Variants in EDA observed in about 807,000 individuals in gnomAD.
EDA encodes ectodysplasin A.
Under a neutral mutation model 23.6 loss-of-function variants are expected in EDA, and 2 were observed. That is an observed-to-expected ratio of 0.08 (90% CI 0.03 to 0.27). The LOEUF (loss-of-function observed/expected upper bound fraction) is 0.27, where lower values mean the gene tolerates loss of function less well. Among genes scored for constraint, EDA ranks in the 10% least tolerant of loss-of-function variants. The probability of loss-of-function intolerance (pLI) is 1.00; values close to 1 mark genes in which losing one functional copy is unlikely to be tolerated. For synonymous variants in EDA, 131 were observed against 132.0 expected, an observed-to-expected ratio of 0.99 and a Z score of 0.05; for missense variants, 229 against 324.2, an observed-to-expected ratio of 0.71 and a Z score of 2.26.
At chrX:69,842,811 G>A (rs2016922265) in intron 1 of EDA, among the ~76,000 whole-genome samples, 2 of 110,913 alleles carry the variant, frequency 1.8e-5, no homozygotes, top group Admixed American at 9.7e-5. Flanking sequence ...GTAAAAGTGT[G>A]TAGCACCTCC....
At chrX:69,860,274 G>A (rs1254970399) in intron 1 of EDA, among the ~76,000 whole-genome samples, 2 of 111,367 alleles carry the variant, frequency 1.8e-5, no homozygotes, top group East Asian at 5.6e-4. Flanking sequence ...TCATCATGAT[G>A]TTAGCTGGTT....
chrX:69,998,082 A>G (rs2019686620), intron 2 of EDA, among the ~76,000 whole-genome samples: 1 of 111,504 alleles, frequency 9.0e-6, no homozygotes, highest in South Asian at 3.8e-4. Context: ...AAAGAGGGCC[A>G]CCATCCTCCA....
intron 2 of EDA, chrX:69,957,502 AAAC>A (rs1212738926): frequency 3.1e-4 from 54 of 173,469 alleles, no homozygotes; most frequent in Middle Eastern, 2.2e-3. Flanking sequence ...CAAAAAAAAA[AAAC>A]CACTACCTTT....
chrX:70,002,653 T>C (rs769738791), intron 2 of EDA, among the ~76,000 whole-genome samples: 19 of 112,343 alleles, frequency 1.7e-4, no homozygotes, highest in Admixed American at 3.8e-4. Flanking sequence ...CAAACACCCA[T>C]TCAAAGTTCT....
At chrX:69,739,851 A>G (rs2013393513) in intron 1 of EDA, among the ~76,000 whole-genome samples, 1 of 111,564 alleles carries the variant, frequency 9.0e-6, no homozygotes, top group African/African-American at 3.2e-5. Context: ...ATGCACATAT[A>G]TATTACAAAT....
At chrX:69,808,210 G>A (rs1356294428) in intron 1 of EDA, among the ~76,000 whole-genome samples, 4 of 110,730 alleles carry the variant, frequency 3.6e-5, no homozygotes, top group African/African-American at 1.3e-4. Context: ...TATATTATAT[G>A]TTTATTGTAT....
intron 2 of EDA, among the ~76,000 whole-genome samples, chrX:70,000,760 T>C (rs1170005044): frequency 8.9e-6 from 1 of 112,371 alleles, no homozygotes; most frequent in Non-Finnish European, 1.9e-5. Context: ...ATCCCCATTT[T>C]ATAAATGAGA....
chrX:69,889,226 C>T (rs2017886172), intron 1 of EDA, among the ~76,000 whole-genome samples: 1 of 106,460 alleles, frequency 9.4e-6, no homozygotes, highest in Non-Finnish European at 1.9e-5. Context: ...TGGATCACTG[C>T]AGCTTTGACC....
intron 1 of EDA, among the ~76,000 whole-genome samples, chrX:69,712,960 G>A (rs2012136547): frequency 1.9e-5 from 2 of 107,442 alleles, no homozygotes; most frequent in Non-Finnish European, 1.9e-5. Flanking sequence ...ACTATTGCAG[G>A]GACAAAAAAA....
In EDA at chrX:69,667,069, G is replaced by A. The variant is rs749993605; in HGVS notation, c.396+50365G>A. On this transcript the variant is annotated intron_variant, in intron 1 of 7. Coordinates refer to ENST00000374552, the MANE Select transcript of EDA (RefSeq NM_001399.5). The stretch of plus-strand genomic sequence containing the variant: ...TTATTTCCTCTAGGTTATCCAATTC[G>A]TTGGCATATAATTGTTCATAATAGT... Among the ~76,000 whole-genome samples the A allele has an allele frequency of 1.5e-4, 16 of 106,859 alleles. 1 individual carries two copies. Among genetic ancestry groups the A allele is most frequent in the Admixed American group, 6.0e-4 (6 of 9,943 alleles). 92.8% of individuals were successfully genotyped at this position (106,859 alleles called of 115,157 possible).
intron 2 of EDA, among the ~76,000 whole-genome samples, chrX:70,001,140 GTA>G (rs2019735251): frequency 9.0e-6 from 1 of 111,697 alleles, no homozygotes; most frequent in Admixed American, 9.5e-5. Context: ...CTAAATCAAA[GTA>G]TTAGCAGCAC....
chrX:70,005,401 C>T (rs984816081), intron 2 of EDA, among the ~76,000 whole-genome samples: 46 of 110,969 alleles, frequency 4.1e-4, no homozygotes, highest in African/African-American at 1.4e-3. Context: ...GTTCATTCAA[C>T]AAACATTTTT....
chrX:69,919,909 T>C (rs951523119), intron 1 of EDA, among the ~76,000 whole-genome samples: 3 of 111,776 alleles, frequency 2.7e-5, no homozygotes, highest in African/African-American at 9.7e-5. Flanking sequence ...TGTGGGTAAC[T>C]GCAGGCTAAG....
chrX:69,971,311 T>G (rs772640694), intron 2 of EDA, among the ~76,000 whole-genome samples: 17 of 112,189 alleles, frequency 1.5e-4, no homozygotes, highest in Admixed American at 9.5e-4. Context: ...TGTAAAATGA[T>G]GTACAAATGT....
intron 1 of EDA, among the ~76,000 whole-genome samples, chrX:69,797,387 C>G (rs2015568455): frequency 9.0e-6 from 1 of 111,498 alleles, no homozygotes; most frequent in South Asian, 3.7e-4. Context: ...GAGTCGCCAT[C>G]AGACTAACAG....
chrX:69,815,747 C>T (rs1362135923), intron 1 of EDA, among the ~76,000 whole-genome samples: 5 of 112,311 alleles, frequency 4.5e-5, no homozygotes, highest in Admixed American at 9.3e-5. Context: ...TTGACTCAGC[C>T]GCTCCAGCTT....
intron 1 of EDA, among the ~76,000 whole-genome samples, chrX:69,815,714 C>T (rs1171348000): frequency 3.6e-5 from 4 of 111,946 alleles, no homozygotes; most frequent in Non-Finnish European, 7.5e-5. Flanking sequence ...GGCATAGGGG[C>T]GGCTGCCACC....
At chrX:69,672,476 A>C (rs999825568) in intron 1 of EDA, 3 of 111,322 alleles carry the variant, frequency 2.7e-5, no homozygotes, top group African/African-American at 6.5e-5. Context: ...AAGTTATGGC[A>C]GAGTCTACGG....
intron 1 of EDA, among the ~76,000 whole-genome samples, chrX:69,747,730 A>C (rs934392817): frequency 5.4e-5 from 6 of 112,010 alleles, no homozygotes; most frequent in African/African-American, 1.9e-4. Context: ...GGGCTTGCCC[A>C]TGGGTTAGAT....
Sources: allele counts gnomAD v4.1 joint callset (sites outside exome capture counted in the v4.1 genomes callset), GRCh38; gene constraint gnomAD v4.1.1; transcripts MANE v1.5; gene names NCBI Gene and HGNC (gene_info 2026-07-23, HGNC 2026-07-21).